The following SLC24A2 variants were observed in gnomAD, a reference collection of about 807,000 sequenced individuals.
SLC24A2 encodes the protein sodium/potassium/calcium exchanger 2.
Under a neutral mutation model 62.0 loss-of-function variants are expected in SLC24A2, and 36 were observed. The observed-to-expected ratio is 0.58, with a 90% CI of 0.44 to 0.77. The LOEUF is 0.77. Among genes scored for constraint, SLC24A2 ranks in the 30% least tolerant of loss-of-function variants. The probability of loss-of-function intolerance (pLI) is 0.00; values close to 1 mark genes in which losing one functional copy is unlikely to be tolerated. For missense variants in SLC24A2, 846 were observed against 817.9 expected, an observed-to-expected ratio of 1.03 and a Z score of -0.42; for synonymous variants, 358 against 294.0, an observed-to-expected ratio of 1.22 and a Z score of -2.23.
At chr9:19,541,378 G>T (rs1290329340) in intron 8 of SLC24A2, among the ~76,000 whole-genome samples, 1 of 151,716 alleles carries the variant, frequency 6.6e-6, no homozygotes, top group Admixed American at 6.6e-5. Flanking sequence ...GTACAGATGG[G>T]TTTTCGGTGT....
chr9:19,843,728 T>G, the SLC24A2 span, among the ~76,000 whole-genome samples: 2 of 152,114 alleles, frequency 1.3e-5, no homozygotes, highest in African/African-American at 2.4e-5. Context: ...CATCTTTATG[T>G]CCATGAGTCA....
the SLC24A2 span, among the ~76,000 whole-genome samples, chr9:19,826,432 T>C: frequency 1.4e-4 from 21 of 152,210 alleles, no homozygotes; most frequent in African/African-American, 5.1e-4. Flanking sequence ...AAAGGCAAGA[T>C]TGTCTTACTT....
At chr9:19,963,787 C>G in the SLC24A2 span, among the ~76,000 whole-genome samples, 419 of 152,202 alleles carry the variant, frequency 2.8e-3, 2 homozygotes, top group African/African-American at 9.5e-3. Context: ...TAAACTAGTT[C>G]AACCATTGTG....
chr9:19,555,991 A>T (rs955619687), intron 7 of SLC24A2, among the ~76,000 whole-genome samples: 4 of 152,228 alleles, frequency 2.6e-5, no homozygotes, highest in Admixed American at 2.0e-4. Context: ...CTAAGTGACA[A>T]CTGGTAACAA....
chr9:20,268,491 A>C, the SLC24A2 span, among the ~76,000 whole-genome samples: 1 of 152,128 alleles, frequency 6.6e-6, no homozygotes, highest in African/African-American at 2.4e-5. Context: ...GTGGCACTGA[A>C]GGGTTTATAA....
At chr9:20,234,017 T>C in the SLC24A2 span, among the ~76,000 whole-genome samples, 2 of 152,220 alleles carry the variant, frequency 1.3e-5, no homozygotes. Flanking sequence ...AAATTCTGGG[T>C]TGAAAATTAT....
chr9:20,268,074 G>C, the SLC24A2 span, among the ~76,000 whole-genome samples: 1 of 152,180 alleles, frequency 6.6e-6, no homozygotes, highest in Admixed American at 6.5e-5. Flanking sequence ...GAGGGAATGG[G>C]AAATGAGTAG....
At chr9:19,956,376 C>A in the SLC24A2 span, among the ~76,000 whole-genome samples, 154 of 152,270 alleles carry the variant, frequency 1.0e-3, no homozygotes, top group African/African-American at 3.3e-3. Flanking sequence ...ATTTGTGTCC[C>A]CCTGACATTC....
chr9:19,815,252 G>C, the SLC24A2 span, among the ~76,000 whole-genome samples: 1 of 152,036 alleles, frequency 6.6e-6, no homozygotes, highest in African/African-American at 2.4e-5. Flanking sequence ...AGAGGTCTTT[G>C]GGATTCTCCT....
At chr9:19,905,383 C>A in the SLC24A2 span, among the ~76,000 whole-genome samples, 1 of 151,888 alleles carries the variant, frequency 6.6e-6, no homozygotes, top group African/African-American at 2.4e-5. Context: ...AAGTATTTCC[C>A]TTAACTCCAT....
chr9:19,709,681 C>G (rs1820653942), intron 2 of SLC24A2, among the ~76,000 whole-genome samples: 1 of 146,058 alleles, frequency 6.8e-6, no homozygotes, highest in Non-Finnish European at 1.5e-5. Flanking sequence ...CGCATGTTCT[C>G]ACTCATAGGT....
intron 4 of SLC24A2, among the ~76,000 whole-genome samples, chr9:19,614,385 C>T (rs1313103031): frequency 6.6e-6 from 1 of 152,184 alleles, no homozygotes; most frequent in African/African-American, 2.4e-5. Flanking sequence ...TATGTTTGAA[C>T]TAAACCTTCA....
At position 19,509,380 on chromosome 9, in the gene SLC24A2, T is replaced by TA. The variant is rs1430611508; in HGVS notation, c.*6772dup. The TA allele has an allele frequency of 6.6e-6, 1 of 152,072 alleles. No homozygotes were observed. Among genetic ancestry groups the TA allele is most frequent in the South Asian group, 2.1e-4 (1 of 4,826 alleles). 9.4% of individuals were successfully genotyped at this position (152,072 alleles called of 1,614,324 possible). On this transcript the variant is annotated 3_prime_UTR_variant, in exon 11 of 11. Coordinates refer to ENST00000341998, the MANE Select transcript of SLC24A2 (RefSeq NM_020344.4). ...TGCCTAGAACAATAATTGTAGTTAA[T>TA]AAAAAATAGAACAGATAAACTCCAA...
At chr9:19,685,955 AAC>A (rs1490915633) in intron 2 of SLC24A2, among the ~76,000 whole-genome samples, 1 of 152,132 alleles carries the variant, frequency 6.6e-6, no homozygotes, top group Non-Finnish European at 1.5e-5. Context: ...TGCACAGCAA[AAC>A]ACACTATCAA....
the SLC24A2 span, among the ~76,000 whole-genome samples, chr9:19,864,304 G>A: frequency 6.6e-6 from 1 of 151,094 alleles, no homozygotes; most frequent in Non-Finnish European, 1.5e-5. Context: ...GAGGCAGAGG[G>A]AATACTTCAA....
the SLC24A2 span, among the ~76,000 whole-genome samples, chr9:19,880,564 G>A: frequency 6.6e-6 from 1 of 152,198 alleles, no homozygotes; most frequent in East Asian, 1.9e-4. Context: ...GGTGAGAGAA[G>A]TTGATGTGAC....
the SLC24A2 span, among the ~76,000 whole-genome samples, chr9:20,277,914 G>T: frequency 6.6e-6 from 1 of 152,214 alleles, no homozygotes; most frequent in South Asian, 2.1e-4. Context: ...TCATAAAAAA[G>T]GATGAGTTCA....
At chr9:19,960,218 G>A in the SLC24A2 span, among the ~76,000 whole-genome samples, 14 of 151,894 alleles carry the variant, frequency 9.2e-5, no homozygotes, top group East Asian at 1.9e-4. Flanking sequence ...CCACACATAC[G>A]TATGTACATA....
At chr9:20,267,557 C>T in the SLC24A2 span, among the ~76,000 whole-genome samples, 15 of 152,226 alleles carry the variant, frequency 9.9e-5, no homozygotes, top group South Asian at 1.5e-3. Flanking sequence ...CTAGAATAGG[C>T]GCTCAGGGAA....
Sources: gnomAD v4.1 joint callset for allele counts (sites outside exome capture counted in the v4.1 genomes callset) on GRCh38, gnomAD v4.1.1 for gene constraint, MANE v1.5 for transcripts, NCBI Gene and HGNC (gene_info 2026-07-23, HGNC 2026-07-21) for gene names.